BORCS5: variants seen among roughly 807,000 people sequenced by gnomAD.
BORCS5 encodes BLOC-1 related complex subunit 5, also known as BLOC-1-related complex subunit 5.
A neutral mutation model predicts 22.1 loss-of-function variants in BORCS5; 17 were observed. The observed-to-expected ratio is 0.77, with a 90% CI of 0.53 to 1.15. The LOEUF (loss-of-function observed/expected upper bound fraction) is 1.15. Among genes scored for constraint, BORCS5 ranks in the 50% most tolerant of loss-of-function variants. The pLI is 0.00. For synonymous variants in BORCS5, 117 were observed against 99.8 expected (o/e 1.17, Z -1.03); for missense variants, 247 against 253.2 (o/e 0.98, Z 0.17).
At chr12:12,463,551 CAA>C (rs1248060688) in intron 3 of BORCS5, among the ~76,000 whole-genome samples, 1 of 152,126 alleles carries the variant, frequency 6.6e-6, no homozygotes, top group Non-Finnish European at 1.5e-5. Flanking sequence ...GTGAGATCTT[CAA>C]AGTCACGCAA....
intron 2 of BORCS5, among the ~76,000 whole-genome samples, chr12:12,430,096 C>G (rs1201729944): frequency 6.6e-6 from 1 of 151,624 alleles, no homozygotes; most frequent in Non-Finnish European, 1.5e-5. Flanking sequence ...AAAACGTGGT[C>G]CCTGTCTTCA....
chr12:12,359,806 C>A (rs1863236954), intron 1 of BORCS5, among the ~76,000 whole-genome samples: 1 of 152,028 alleles, frequency 6.6e-6, no homozygotes, highest in African/African-American at 2.4e-5. Flanking sequence ...GACAGCTTTG[C>A]AACTCCAGTG....
intron 3 of BORCS5, among the ~76,000 whole-genome samples, chr12:12,464,395 C>T (rs1248082269): frequency 6.6e-6 from 1 of 152,124 alleles, no homozygotes; most frequent in Admixed American, 6.5e-5. Flanking sequence ...TTTGGTCCCC[C>T]GTGTTTTCAT....
intron 3 of BORCS5, among the ~76,000 whole-genome samples, chr12:12,462,430 C>T (rs963811801): frequency 6.6e-6 from 1 of 152,160 alleles, no homozygotes. Flanking sequence ...AATCAGCCTT[C>T]TGGGTAATTT....
intron 2 of BORCS5, among the ~76,000 whole-genome samples, chr12:12,415,536 C>G (rs1238958591): frequency 9.7e-5 from 4 of 41,426 alleles, no homozygotes; most frequent in Admixed American, 3.4e-4. Flanking sequence ...AGAGGGAGAC[C>G]GTGGAAGGAG....
chr12:12,361,155 A>C (rs1565822801), intron 1 of BORCS5, 51 bp from the exon 2 acceptor site: 1 of 1,561,136 alleles, frequency 6.4e-7, no homozygotes, highest in Non-Finnish European at 8.8e-7. Context: ...TGCTTTGGTG[A>C]GGCAGAGATG....
At chr12:12,404,454 T>C (rs1354042948) in intron 2 of BORCS5, among the ~76,000 whole-genome samples, 1 of 151,778 alleles carries the variant, frequency 6.6e-6, no homozygotes, top group Non-Finnish European at 1.5e-5. Flanking sequence ...AAAACAGGAG[T>C]AACTCCCCTG....
intron 2 of BORCS5, among the ~76,000 whole-genome samples, chr12:12,379,697 G>A (rs1342215359): frequency 1.3e-5 from 2 of 151,212 alleles, no homozygotes; most frequent in Non-Finnish European, 3.0e-5. Flanking sequence ...CCTTGATTAG[G>A]CTTTGTCTCA....
chr12:12,394,113 G>A (rs1941271484), intron 2 of BORCS5, among the ~76,000 whole-genome samples: 1 of 151,844 alleles, frequency 6.6e-6, no homozygotes, highest in Non-Finnish European at 1.5e-5. Context: ...ATCACTTGAG[G>A]TCAGGAGTTC....
chr12:12,419,713 C>A (rs112832289), intron 2 of BORCS5, among the ~76,000 whole-genome samples: 1,871 of 152,334 alleles, frequency 0.012, 28 homozygotes, highest in South Asian at 0.028. Context: ...CATGTTGTTT[C>A]ATGACTTTTT....
chr12:12,363,826 G>A (rs1027577071), intron 2 of BORCS5, among the ~76,000 whole-genome samples: 2 of 151,896 alleles, frequency 1.3e-5, no homozygotes, highest in African/African-American at 4.8e-5. Flanking sequence ...AGAACCAGGA[G>A]ATGGAGGTTG....
intron 2 of BORCS5, among the ~76,000 whole-genome samples, chr12:12,415,557 G>A (rs1378323880): frequency 1.6e-4 from 7 of 43,000 alleles, no homozygotes; most frequent in Non-Finnish European, 3.6e-4. Context: ...ACCGTGGAGA[G>A]AGGGGGAGGG....
rs35965943 is a variant in BORCS5 at position 12,360,567 on chromosome 12, ATTTTTTTTTTT to A, written c.59-623_59-613del. On this transcript the variant is annotated intron_variant, in intron 1 of 3. Transcript: ENST00000314565. ...CACCACATCTGACTAATTAAAAGAAATTTTTTTTTTTTTTTTTTTTTTTTTTAGAGATAGGG... is the reference window on the plus strand; with the variant it reads ...CACCACATCTGACTAATTAAAAGAAATTTTTTTTTTTTTTTAGAGATAGGG... 1.7e-4 allele frequency among the ~76,000 whole-genome samples: 15 copies of A among 89,242 alleles called. 1 individual carries two copies. In the South Asian group the frequency reaches 7.4e-3, roughly 44 times the overall value. The allele number at this position is 89,242 out of a possible 152,430, so 58.5% of individuals were successfully genotyped here.
intron 2 of BORCS5, among the ~76,000 whole-genome samples, chr12:12,393,199 C>T (rs149091631): frequency 0.032 from 4,861 of 152,134 alleles, 309 homozygotes; most frequent in African/African-American, 0.11. Flanking sequence ...TGTGCTGCTG[C>T]ACTCCAGCCT....
At chr12:12,427,547 T>C (rs4547192) in intron 2 of BORCS5, among the ~76,000 whole-genome samples, 90,655 of 152,030 alleles carry the variant, frequency 0.6, 27,743 homozygotes, top group African/African-American at 0.7. Flanking sequence ...AAAGGATACA[T>C]ATAGCTTAAG....
At chr12:12,360,105 C>T (rs112708561) in intron 1 of BORCS5, among the ~76,000 whole-genome samples, 2,316 of 152,158 alleles carry the variant, frequency 0.015, 55 homozygotes, top group African/African-American at 0.052. Context: ...GGCTCACACC[C>T]GTAATTCTAG....
chr12:12,387,670 C>T (rs1353489640), intron 2 of BORCS5, among the ~76,000 whole-genome samples: 1 of 151,418 alleles, frequency 6.6e-6, no homozygotes, highest in Non-Finnish European at 1.5e-5. Context: ...GTTTAAGTAG[C>T]TTTTTTGGCA....
chr12:12,425,560 C>G (rs1467672841), intron 2 of BORCS5, among the ~76,000 whole-genome samples: 1 of 152,196 alleles, frequency 6.6e-6, no homozygotes, highest in African/African-American at 2.4e-5. Flanking sequence ...TAAGTGGTAT[C>G]TCATTGTGTT....
chr12:12,367,587 A>G (rs1863431455), intron 2 of BORCS5, among the ~76,000 whole-genome samples: 1 of 152,258 alleles, frequency 6.6e-6, no homozygotes, highest in Non-Finnish European at 1.5e-5. Flanking sequence ...AAAAACAAAA[A>G]TAAACATAGC....
Sources: gnomAD v4.1 joint callset for allele counts (sites outside exome capture counted in the v4.1 genomes callset) on GRCh38, gnomAD v4.1.1 for gene constraint, MANE v1.5 for transcripts, NCBI Gene and HGNC (gene_info 2026-07-23, HGNC 2026-07-21) for gene names.